The following SEMA6D variants were observed in gnomAD, a reference collection of about 807,000 sequenced individuals.
SEMA6D encodes semaphorin-6D.
SEMA6D carries 35 observed loss-of-function variants against 106.6 expected under a neutral mutation model. The ratio of observed to expected loss-of-function variants is 0.33; its 90% CI spans 0.25 to 0.44. SEMA6D has a LOEUF of 0.44. Ranked by LOEUF, SEMA6D falls within the 20% of genes least tolerant of loss-of-function variation. The pLI is 1.00. For synonymous variants in SEMA6D, 499 were observed against 487.7 expected (o/e 1.02, Z -0.31); for missense variants, 1,185 against 1,345.9 (o/e 0.88, Z 1.87).
At chr15:47,348,286 T>A (rs2038127521) in intron 1 of SEMA6D, among the ~76,000 whole-genome samples, 1 of 152,134 alleles carries the variant, frequency 6.6e-6, no homozygotes, top group South Asian at 2.1e-4. Flanking sequence ...CTGGAAAAGT[T>A]ACCTAACATC....
At chr15:47,469,609 C>A (rs1172173015) in intron 2 of SEMA6D, among the ~76,000 whole-genome samples, 1 of 152,030 alleles carries the variant, frequency 6.6e-6, no homozygotes, top group Non-Finnish European at 1.5e-5. Context: ...TTTATTTGCT[C>A]ATCTATTGTA....
chr15:47,752,728 G>A (rs1301684929), intron 1 of SEMA6D, among the ~76,000 whole-genome samples: 2 of 151,364 alleles, frequency 1.3e-5, no homozygotes, highest in African/African-American at 4.8e-5. Context: ...TTAAATTGGG[G>A]CTGGGCACAG....
chr15:47,650,053 T>C (rs1435662110), intron 4 of SEMA6D, among the ~76,000 whole-genome samples: 1 of 152,196 alleles, frequency 6.6e-6, no homozygotes, highest in Non-Finnish European at 1.5e-5. Flanking sequence ...ATAGACAACA[T>C]ATACTGAGCG....
chr15:47,329,193 A>C (rs2037244582), intron 1 of SEMA6D, among the ~76,000 whole-genome samples: 1 of 152,192 alleles, frequency 6.6e-6, no homozygotes, highest in African/African-American at 2.4e-5. Context: ...AATTTATTTC[A>C]AGTACTACAA....
rs187816987 is a variant in SEMA6D, at chr15:47,655,492, A to G, written c.-55+54596A>G. On this transcript the variant is annotated intron_variant, in intron 4 of 19. Transcript: ENST00000558014. Reference sequence around the variant, plus strand: ...CTATAAACACTTACAAATGTCTTAAATAAGACCACAAGAAGTCCAAGAAAA... The same window carrying G: ...CTATAAACACTTACAAATGTCTTAAGTAAGACCACAAGAAGTCCAAGAAAA... Among the ~76,000 whole-genome samples the G allele has an allele frequency of 2.3e-4, 35 of 152,386 alleles. 1 individual carries two copies. The East Asian group carries it at 6.5e-3, about 29-fold the overall frequency.
chr15:47,231,107 CTT>C (rs1308703882), intron 1 of SEMA6D, among the ~76,000 whole-genome samples: 1 of 151,968 alleles, frequency 6.6e-6, no homozygotes, highest in Non-Finnish European at 1.5e-5. Flanking sequence ...TCCTCCTCCT[CTT>C]TGCCTTCCTT....
chr15:47,257,643 G>A (rs923832218), intron 1 of SEMA6D, among the ~76,000 whole-genome samples: 1 of 151,780 alleles, frequency 6.6e-6, no homozygotes, highest in African/African-American at 2.4e-5. Context: ...AACACAATTT[G>A]TATGATTTCA....
In SEMA6D at chr15:47,673,701, C is replaced by T. The variant is rs76894059; in HGVS notation, c.-55+72805C>T. Among the ~76,000 whole-genome samples, 342 of 152,246 alleles carry T rather than the reference C, an allele frequency of 2.2e-3. 3 individuals are homozygous for T. Among genetic ancestry groups the T allele is most frequent in the East Asian group, 0.014 (71 of 5,174 alleles). On this transcript the variant is annotated intron_variant, in intron 4 of 19. Transcript: ENST00000558014. ...AGGAAGGAAAAGGAGGGAGCTGTCA[C>T]GTGGGGGGAGAATTAGCCTCAGAAT...
chr15:47,709,917 G>A (rs1442036441), intron 4 of SEMA6D, among the ~76,000 whole-genome samples: 4 of 149,722 alleles, frequency 2.7e-5, no homozygotes, highest in African/African-American at 4.9e-5. Flanking sequence ...CAAATTGATT[G>A]TTCCTTTATT....
intron 3 of SEMA6D, among the ~76,000 whole-genome samples, chr15:47,569,510 C>T (rs1275264370): frequency 1.3e-5 from 2 of 152,118 alleles, no homozygotes; most frequent in Non-Finnish European, 2.9e-5. Flanking sequence ...AGTGAGAGAA[C>T]AGCTACTTGG....
At chr15:47,331,871 T>C (rs2037356624) in intron 1 of SEMA6D, among the ~76,000 whole-genome samples, 2 of 152,310 alleles carry the variant, frequency 1.3e-5, no homozygotes, top group South Asian at 4.1e-4. Flanking sequence ...TGTTTGTAGT[T>C]ACTTAGTGTG....
chr15:47,718,099 G>C (rs2079197883), intron 1 of SEMA6D, among the ~76,000 whole-genome samples: 1 of 152,164 alleles, frequency 6.6e-6, no homozygotes, highest in African/African-American at 2.4e-5. Context: ...GGCAGAGCCA[G>C]CTCGGCGTCC....
chr15:47,528,087 C>G (rs944242682), intron 3 of SEMA6D, among the ~76,000 whole-genome samples: 22 of 152,250 alleles, frequency 1.4e-4, no homozygotes, highest in Admixed American at 1.2e-3. Context: ...AGAACAAAAC[C>G]AAGGAAGGTG....
intron 1 of SEMA6D, among the ~76,000 whole-genome samples, chr15:47,298,202 G>A (rs1032901015): frequency 6.6e-6 from 1 of 152,168 alleles, no homozygotes; most frequent in Non-Finnish European, 1.5e-5. Context: ...TTAGGGCGGA[G>A]CTCGCACTGG....
intron 1 of SEMA6D, among the ~76,000 whole-genome samples, chr15:47,389,584 A>T (rs1035480080): frequency 7.2e-5 from 11 of 152,226 alleles, no homozygotes; most frequent in Non-Finnish European, 1.0e-4. Flanking sequence ...CTGGATGCAA[A>T]TCAACTTTCA....
rs1342973192 is a variant in SEMA6D at position 47,765,871 on chromosome 15, G to A, written c.1430G>A (p.Cys477Tyr). Residue 477 changes from cysteine (C) to tyrosine (Y), a missense_variant and splice_region_variant, in exon 14 of 19, where the codon TGC (cysteine) becomes TAC (tyrosine). Cys to Tyr is a radical substitution (Grantham distance 194). Around this residue, in one of 3 missense-constraint regions of SEMA6D, gnomAD observed 750 missense variants for 783.5 expected, o/e 0.96. Transcript: ENST00000536845. ...EEIEAYNHAK[C>Y]SAENEEDKKV... ...TCAAAATGTATCCCACAAAATAGGT[G>A]CAGTGCTGAGAATGAGGAAGACAAA... The A allele has an allele frequency of 6.6e-7, 1 of 1,509,314 alleles. No individual in the cohort carries two copies. The highest frequency in any genetic ancestry group is 1.4e-5 in the African/African-American group (1 of 71,592). The allele number at this position is 1,509,314 out of a possible 1,614,324, so 93.5% of individuals were successfully genotyped here.
chr15:47,411,913 T>C (rs980607471), intron 1 of SEMA6D, among the ~76,000 whole-genome samples: 3 of 144,410 alleles, frequency 2.1e-5, no homozygotes, highest in African/African-American at 7.6e-5. Flanking sequence ...AGGTTATCCT[T>C]GTCCACTGTG....
At chr15:47,682,054 G>C (rs1366404578) in intron 4 of SEMA6D, among the ~76,000 whole-genome samples, 1 of 151,364 alleles carries the variant, frequency 6.6e-6, no homozygotes, top group African/African-American at 2.5e-5. Flanking sequence ...CACTGAGTAA[G>C]GCAGGATTTA....
intron 4 of SEMA6D, among the ~76,000 whole-genome samples, chr15:47,685,061 A>C (rs2145655449): frequency 6.6e-6 from 1 of 152,246 alleles, no homozygotes; most frequent in East Asian, 1.9e-4. Flanking sequence ...ATAGTATTGA[A>C]AAACTCAGAA....
Sources: gnomAD v4.1 joint callset for allele counts (sites outside exome capture counted in the v4.1 genomes callset) on GRCh38, gnomAD v4.1.1 for gene constraint, gnomAD v4.1.1 regional missense constraint, MANE v1.5 for transcripts, NCBI Gene and HGNC (gene_info 2026-07-23, HGNC 2026-07-21) for gene names.